PSD3: variants seen among roughly 807,000 people sequenced by gnomAD.
The protein encoded by PSD3 is pleckstrin and Sec7 domain containing 3.
A neutral mutation model predicts 105.5 loss-of-function variants in PSD3; 49 were observed. The ratio of observed to expected loss-of-function variants is 0.46; its 90% CI spans 0.37 to 0.59. The LOEUF (loss-of-function observed/expected upper bound fraction) is 0.59. Among genes scored for constraint, PSD3 ranks in the 20% least tolerant of loss-of-function variants. PSD3 has a pLI of 0.00. For synonymous variants in PSD3, 557 were observed against 457.8 expected (o/e 1.22, Z -2.77); for missense variants, 1,561 against 1,263.8 (o/e 1.24, Z -3.57).
rs575293907 is a variant in PSD3 at position 18,566,914 on chromosome 8, G to T, written c.2784+5614C>A. On this transcript the variant is annotated intron_variant, in intron 14 of 15. Transcript: ENST00000327040. Reference sequence around the variant, plus strand: ...AATAAGAGTGCCTACCATGATAAATGTGTGTGCTTGCCTGTTCTGGGGAAA... The same window carrying T: ...AATAAGAGTGCCTACCATGATAAATTTGTGTGCTTGCCTGTTCTGGGGAAA... Among the ~76,000 whole-genome samples the T allele has an allele frequency of 1.6e-4, 24 of 152,280 alleles. No homozygotes were observed. In the South Asian group the frequency reaches 5.0e-3, roughly 32 times the overall value.
At chr8:18,840,211 C>A (rs376321626) in intron 4 of PSD3, among the ~76,000 whole-genome samples, 40 of 152,152 alleles carry the variant, frequency 2.6e-4, no homozygotes, top group African/African-American at 8.9e-4. Flanking sequence ...ATGTCCCCCC[C>A]ACATCATTCT....
chr8:18,758,914 G>C (rs1423967353), intron 9 of PSD3, among the ~76,000 whole-genome samples: 1 of 151,954 alleles, frequency 6.6e-6, no homozygotes, highest in East Asian at 1.9e-4. Context: ...AGAAAGCAAG[G>C]GAAAACAAAT....
At chr8:18,904,561 T>C (rs1819718945) in intron 2 of PSD3, among the ~76,000 whole-genome samples, 4 of 151,382 alleles carry the variant, frequency 2.6e-5, no homozygotes. Context: ...TTGGCTGATC[T>C]CTCCCTTTTG....
At chr8:18,791,653 C>G (rs528269823) in intron 8 of PSD3, among the ~76,000 whole-genome samples, 9 of 152,152 alleles carry the variant, frequency 5.9e-5, no homozygotes, top group Non-Finnish European at 1.0e-4. Flanking sequence ...CAATACCATT[C>G]TGCACACAGA....
chr8:19,038,069 A>T (rs1446768868), intron 1 of PSD3, among the ~76,000 whole-genome samples: 2 of 151,972 alleles, frequency 1.3e-5, no homozygotes, highest in Non-Finnish European at 2.9e-5. Context: ...TAATCCTTGA[A>T]TCCTGATCTA....
chr8:18,777,017 C>T (rs1462356754), intron 8 of PSD3, among the ~76,000 whole-genome samples: 1 of 151,662 alleles, frequency 6.6e-6, no homozygotes, highest in Non-Finnish European at 1.5e-5. Context: ...GGTCTTTTTT[C>T]TTAGACTAGC....
At chr8:18,969,611 C>A (rs1406851490) in intron 1 of PSD3, among the ~76,000 whole-genome samples, 1 of 152,174 alleles carries the variant, frequency 6.6e-6, no homozygotes, top group Non-Finnish European at 1.5e-5. Flanking sequence ...TAATGAAATG[C>A]CCTTGATCTT....
intron 14 of PSD3, among the ~76,000 whole-genome samples, chr8:18,562,820 C>T (rs1198948284): frequency 1.3e-5 from 2 of 151,706 alleles, no homozygotes; most frequent in Admixed American, 6.6e-5. Flanking sequence ...ACCTGGGAGG[C>T]GGAGGTTGCA....
chr8:18,560,175 TACACACACACACACAC>T (rs5889808), intron 14 of PSD3, among the ~76,000 whole-genome samples: 3 of 143,340 alleles, frequency 2.1e-5, no homozygotes, highest in Admixed American at 7.0e-5. Flanking sequence ...ATACACATTT[TACACACACACACACAC>T]ACACACACAC....
rs141597081 is a variant in PSD3 at position 18,972,168 on chromosome 8, C to T, written c.22-36026G>A. Among the ~76,000 whole-genome samples the T allele has an allele frequency of 2.9e-3, 446 of 152,274 alleles. 3 individuals are homozygous for T. The highest frequency in any genetic ancestry group is 0.01 in the African/African-American group (416 of 41,542). On this transcript the variant is annotated intron_variant, in intron 1 of 15. Coordinates refer to ENST00000327040, the MANE Select transcript of PSD3 (RefSeq NM_015310.4). The stretch of plus-strand genomic sequence containing the variant: ...AGAGTATGATCTGATGAAAGCTATT[C>T]ATTAAAACAAACCAAATAGAGTGTC...
At chr8:18,693,371 G>A (rs1042972687) in intron 9 of PSD3, among the ~76,000 whole-genome samples, 2 of 152,156 alleles carry the variant, frequency 1.3e-5, no homozygotes, top group African/African-American at 4.8e-5. Context: ...TGAGCCAAAC[G>A]GACCTGTGTT....
At chr8:18,782,411 G>A (rs1401056211) in intron 8 of PSD3, among the ~76,000 whole-genome samples, 1 of 152,104 alleles carries the variant, frequency 6.6e-6, no homozygotes, top group East Asian at 1.9e-4. Context: ...AAGCAGTGCA[G>A]TCTCCATATG....
chr8:18,904,424 C>A (rs113910987), intron 2 of PSD3, among the ~76,000 whole-genome samples: 1 of 152,130 alleles, frequency 6.6e-6, no homozygotes, highest in Non-Finnish European at 1.5e-5. Context: ...AAGGCTTCAG[C>A]GGATCACCCT....
intron 12 of PSD3, among the ~76,000 whole-genome samples, chr8:18,590,857 T>C (rs574455683): frequency 2.8e-4 from 43 of 152,312 alleles, no homozygotes; most frequent in South Asian, 2.3e-3. Context: ...ACCAGATTGA[T>C]GAAAACCAAA....
intron 1 of PSD3, among the ~76,000 whole-genome samples, chr8:18,955,821 T>C (rs1017660045): frequency 5.9e-5 from 9 of 151,950 alleles, no homozygotes; most frequent in African/African-American, 2.2e-4. Flanking sequence ...CAGGCTGGAG[T>C]GTAGTGGTGC....
intron 4 of PSD3, among the ~76,000 whole-genome samples, chr8:18,853,305 T>TG: frequency 6.6e-6 from 1 of 152,274 alleles, no homozygotes; most frequent in East Asian, 1.9e-4. Context: ...CAAATACACC[T>TG]GTTATAATCA....
intron 1 of PSD3, among the ~76,000 whole-genome samples, chr8:18,995,025 T>C (rs781479868): frequency 6.6e-6 from 1 of 152,112 alleles, no homozygotes; most frequent in Non-Finnish European, 1.5e-5. Context: ...CAAAGGTTTA[T>C]TCTATTTTCC....
At position 18,871,677 on chromosome 8, in the gene PSD3, T is replaced by C. The variant is rs1817354981; in HGVS notation, c.1187A>G (p.Glu396Gly). The C allele has an allele frequency of 1.9e-6, 3 of 1,613,538 alleles. No individual in the cohort carries two copies. The African/African-American group carries it at 4.0e-5, about 22-fold the overall frequency. Residue 396 changes from glutamate to glycine, a missense_variant, in exon 3 of 16, where the codon GAA becomes GGA. Glu to Gly is a moderately conservative substitution (Grantham distance 98). Transcript: ENST00000327040. ...TGTCTTCTCAAGATGCTGTTTGTTT[T>C]CCTGTAGGAAGACTTCATCCTCTCC... ...ESGEDEVFLQ[E>G]NKQHLEKTPK...
chr8:18,592,585 A>G (rs945872438), intron 12 of PSD3, among the ~76,000 whole-genome samples: 27 of 152,318 alleles, frequency 1.8e-4, no homozygotes, highest in African/African-American at 5.8e-4. Context: ...AGAAAAACAG[A>G]GGACTTTGAA....
Sources: allele counts gnomAD v4.1 joint callset (sites outside exome capture counted in the v4.1 genomes callset), GRCh38; gene constraint gnomAD v4.1.1; transcripts MANE v1.5; gene names NCBI Gene and HGNC (gene_info 2026-07-23, HGNC 2026-07-21).